USP19: variants seen among roughly 807,000 people sequenced by gnomAD.
USP19 encodes ubiquitin specific peptidase 19, also known as ubiquitin carboxyl-terminal hydrolase 19.
A neutral mutation model predicts 144.8 loss-of-function variants in USP19; 40 were observed. The ratio of observed to expected loss-of-function variants is 0.28; its 90% CI spans 0.21 to 0.36. The LOEUF (loss-of-function observed/expected upper bound fraction) is 0.36. USP19 is among the 10% of genes least tolerant of loss of function. USP19 has a pLI of 1.00. For synonymous variants in USP19, 701 were observed against 709.3 expected (o/e 0.99, Z 0.19); for missense variants, 1,518 against 1,822.5 (o/e 0.83, Z 3.04).
At position 49,114,681 on chromosome 3, in the gene USP19, A is replaced by T; in HGVS notation, c.2292+82T>A. ...CCAAACCTTGCCCTGTAGCACCTTA[A>T]GATGCACATGCCTCTGAACCTAATG... is the stretch of plus-strand genomic sequence containing the variant. On this transcript the variant is annotated intron_variant, in intron 15 of 26. Transcript: ENST00000417901. The surrounding 1 kb of genome is among the most constrained non-coding windows in gnomAD (Gnocchi z 4.5). The T allele has an allele frequency of 1.4e-6, 2 of 1,470,632 alleles. No homozygotes were observed. Among genetic ancestry groups the T allele is most frequent in the Non-Finnish European group, 1.9e-6 (2 of 1,060,000 alleles). 91.1% of individuals were successfully genotyped at this position (1,470,632 alleles called of 1,614,324 possible).
Position 49,114,975 on chromosome 3 carries a change from T to A in USP19, c.2165A>T (p.Asp722Val), listed in dbSNP as rs755543576. The change falls in exon 14 of 27, where the codon GAT becomes GTT. Residue 722 changes from aspartate (D) to valine (V), a missense_variant. Physicochemically the swap from Asp to Val is radical, Grantham distance 152. Coordinates refer to ENST00000417901, the MANE Select transcript of USP19 (RefSeq NM_001199161.2). This position sits in a 1 kb window ranked among gnomAD's most constrained non-coding sequence, Gnocchi z 4.5. ...NKPYTETVDS[D>V]GRPDEVVAEE... The stretch of plus-strand genomic sequence containing the variant: ...AACCCTGACCTCATCGGGCCGCCCA[T>A]CTGAATCCACGGTCTCTGTGTAGGG... 1 of 1,614,120 alleles carries A rather than the reference T, an allele frequency of 6.2e-7. No individual in the cohort carries two copies. Among genetic ancestry groups the A allele is most frequent in the South Asian group, 1.1e-5 (1 of 91,080 alleles).
intron 26 of USP19, among the ~76,000 whole-genome samples, chr3:49,109,595 A>C (rs534767737): frequency 1.3e-5 from 2 of 152,340 alleles, no homozygotes; most frequent in East Asian, 3.9e-4. Context: ...TCTAAGCTTG[A>C]CAGAGAAGGC....
chr3:49,111,583 C>T lies in USP19; in HGVS notation c.3134G>A (p.Ser1045Asn), dbSNP rs564084666. Residue 1045 changes from serine (S) to asparagine (N), a missense_variant, in exon 21 of 27, where the codon AGT becomes AAT. By Grantham distance (46) the Ser-to-Asn change is conservative (BLOSUM62 1). This residue lies in a region of USP19 where 413 missense variants were observed against 515.8 expected (regional missense o/e 0.80). Transcript: ENST00000417901. The surrounding 1 kb of genome is among the most constrained non-coding windows in gnomAD (Gnocchi z 5.9). ...GGCCAGCATCTCAGAAGAAATTCCA[C>T]TGGTGCTGGGCACAGGACCCCGGTC... The part of the protein sequence containing the change: ...APDRGPVPST[S>N]GISSEMLASG... The T allele has an allele frequency of 7.4e-6, 12 of 1,613,112 alleles. No individual in the cohort carries two copies. In the African/African-American group the frequency reaches 8.0e-5, roughly 11 times the overall value.
Position 49,115,887 on chromosome 3 carries a change from G to C in USP19, c.1529C>G (p.Thr510Ser), listed in dbSNP as rs771644616. 6.3e-7 allele frequency: 1 copy of C among 1,592,110 alleles called. No homozygotes were observed. The highest frequency in any genetic ancestry group is 1.8e-5 in the Admixed American group (1 of 56,096). ...VPTGPTPLDS[T>S]PPGGAPHPLT... ...GGGGTGGGGAGCACCTCCTGGTGGG[G>C]TTGAATCCAGAGGGGTTGGACCTGT... Residue 510 changes from threonine to serine, a missense_variant, in exon 11 of 27, where the codon ACC (threonine) becomes AGC (serine). Thr to Ser is a moderately conservative substitution (Grantham distance 58). This residue lies in a region of USP19 where 707 missense variants were observed against 728.9 expected (regional missense o/e 0.97). Coordinates refer to ENST00000417901, the MANE Select transcript of USP19 (RefSeq NM_001199161.2). The surrounding 1 kb of genome is among the most constrained non-coding windows in gnomAD (Gnocchi z 6.6).
Position 49,115,948 on chromosome 3 carries a change from A to T in USP19, c.1472-4T>A. 1 of 1,551,812 alleles carries T rather than the reference A, an allele frequency of 6.4e-7. No individual in the cohort carries two copies. Among genetic ancestry groups the T allele is most frequent in the Non-Finnish European group, 8.7e-7 (1 of 1,151,520 alleles). ...ACCTTTGCACCACCCACTGCACCTT[A>T]AAAAGGGGGAATGAGAGGGCTGGTG... On this transcript the variant is annotated splice_polypyrimidine_tract_variant and splice_region_variant and intron_variant, in intron 10 of 26. Coordinates refer to ENST00000417901, the MANE Select transcript of USP19 (RefSeq NM_001199161.2). This position sits in a 1 kb window ranked among gnomAD's most constrained non-coding sequence, Gnocchi z 6.6.
chr3:49,110,426 G>A lies in USP19; in HGVS notation c.3859+18C>T. ...CACCACCCCTACCACCTATCCTGCT[G>A]GCTGTGTGTGCCCTCACCCACGTCA... On this transcript the variant is annotated intron_variant, in intron 25 of 26. Coordinates refer to ENST00000417901, the MANE Select transcript of USP19 (RefSeq NM_001199161.2). This position sits in a 1 kb window ranked among gnomAD's most constrained non-coding sequence, Gnocchi z 6.1. 1 of 1,612,762 alleles carries A rather than the reference G, an allele frequency of 6.2e-7. No individual in the cohort carries two copies. Among genetic ancestry groups the A allele is most frequent in the South Asian group, 1.1e-5 (1 of 90,950 alleles).
chr3:49,117,258 C>T lies in USP19; in HGVS notation c.710G>A (p.Arg237Gln), dbSNP rs774650492. 3.2e-5 allele frequency: 50 copies of T among 1,562,630 alleles called. No individual in the cohort carries two copies. The highest frequency in any genetic ancestry group is 6.8e-5 in the African/African-American group (5 of 73,360). ...IALEPGPEPH[R>Q]AKQEARNQKR... is the part of the protein sequence containing the mutation. ...CTGGTTCCGGGCCTCCTGCTTAGCCCGGTGGGGCTCAGGGCCTGGCTCCAG... is the reference window on the plus strand; with the variant it reads ...CTGGTTCCGGGCCTCCTGCTTAGCCTGGTGGGGCTCAGGGCCTGGCTCCAG... The change falls in exon 6 of 27, where the codon CGG becomes CAG. Residue 237 changes from arginine (R) to glutamine (Q), a missense_variant. By Grantham distance (43) the Arg-to-Gln change is conservative (BLOSUM62 1). Transcript: ENST00000417901. The surrounding 1 kb of genome is among the most constrained non-coding windows in gnomAD (Gnocchi z 4.4).
At chr3:49,109,154 T>G in intron 26 of USP19, 1 of 1,506,536 alleles carries the variant, frequency 6.6e-7, no homozygotes, top group Non-Finnish European at 8.9e-7. Context: ...CGGCTCCTCC[T>G]CAGCCTCCAG....
intron 17 of USP19, among the ~76,000 whole-genome samples, chr3:49,113,187 G>A (rs1169623330): frequency 6.6e-6 from 1 of 152,250 alleles, no homozygotes; most frequent in Non-Finnish European, 1.5e-5. Flanking sequence ...GCTAGGAACT[G>A]AGGGCACTTC....
chr3:49,118,190 A>G, intron 2 of USP19, 70 bp from the exon 3 acceptor site: 2 of 620,298 alleles, frequency 3.2e-6, no homozygotes. Flanking sequence ...GCTTGAGCCC[A>G]GGACTTTGAG....
chr3:49,115,966 G>C lies in USP19; in HGVS notation c.1472-22C>G, dbSNP rs780668124. 3 of 1,556,728 alleles carry C rather than the reference G, an allele frequency of 1.9e-6. No homozygotes were observed. The Admixed American group carries it at 6.2e-5, about 32-fold the overall frequency. On this transcript the variant is annotated intron_variant, in intron 10 of 26. Coordinates refer to ENST00000417901, the MANE Select transcript of USP19 (RefSeq NM_001199161.2). This position sits in a 1 kb window ranked among gnomAD's most constrained non-coding sequence, Gnocchi z 6.6. Reference sequence around the variant, plus strand: ...GCACCTTAAAAAGGGGGAATGAGAGGGCTGGTGGTTAGCAGCATGTGACAG... The same window carrying C: ...GCACCTTAAAAAGGGGGAATGAGAGCGCTGGTGGTTAGCAGCATGTGACAG...
In USP19 at chr3:49,109,005, C is replaced by A. The variant is rs369013939; in HGVS notation, c.4039-477G>T. The A allele has an allele frequency of 1.3e-5, 21 of 1,613,434 alleles. No individual in the cohort carries two copies. In the South Asian group the frequency reaches 1.6e-4, roughly 13 times the overall value. Reference sequence around the variant, plus strand: ...ACCAGAGGATAGAACACGTTGAGCACGAGGGCCACCAAAGCCGCCACGGTG... The same window carrying A: ...ACCAGAGGATAGAACACGTTGAGCAAGAGGGCCACCAAAGCCGCCACGGTG... On this transcript the variant is annotated intron_variant, in intron 26 of 26. Transcript: ENST00000417901.
Position 49,110,019 on chromosome 3 carries a change from G to C in USP19, c.4038+165C>G. On this transcript the variant is annotated intron_variant, in intron 26 of 26. Transcript: ENST00000417901. The surrounding 1 kb of genome is among the most constrained non-coding windows in gnomAD (Gnocchi z 6.1). The stretch of plus-strand genomic sequence containing the variant: ...TGTTTGTTAGTGTCCCCAAGGCATG[G>C]GGATGCCTCTGGCTAAAGCTTTGAT... The C allele has an allele frequency of 2.6e-6, 2 of 756,692 alleles. No homozygotes were observed. The highest frequency in any genetic ancestry group is 3.8e-6 in the Non-Finnish European group (2 of 521,912). The allele number at this position is 756,692 out of a possible 1,614,324, so 46.9% of individuals were successfully genotyped here.
rs1022722116 is a variant in USP19, at chr3:49,116,703, C to T, written c.1126+24G>A. On this transcript the variant is annotated intron_variant, in intron 7 of 26. Transcript: ENST00000417901. The surrounding 1 kb of genome is among the most constrained non-coding windows in gnomAD (Gnocchi z 5.0). ...AAACTTTGCAACCCAACCTAGGGCT[C>T]TGCCTGCCCACCCCCACCTTTACCA... 1 of 1,607,346 alleles carries T rather than the reference C, an allele frequency of 6.2e-7. No individual in the cohort carries two copies. The highest frequency in any genetic ancestry group is 1.3e-5 in the African/African-American group (1 of 74,936).
intron 26 of USP19, chr3:49,109,223 T>C (rs113592495): frequency 2.9e-5 from 42 of 1,447,176 alleles, no homozygotes; most frequent in Admixed American, 5.8e-5. Flanking sequence ...ACCCCGGGGG[T>C]GGGGAGGACC....
intron 26 of USP19, chr3:49,109,275 G>C: frequency 7.1e-7 from 1 of 1,415,022 alleles, no homozygotes; most frequent in Middle Eastern, 2.2e-4. Context: ...CCCACCTGGG[G>C]TGACTGGGGC....
chr3:49,118,989 A>C (rs1413229367), intron 2 of USP19, 33 bp downstream of exon 2: 6 of 1,613,316 alleles, frequency 3.7e-6, no homozygotes, highest in African/African-American at 2.7e-5. Flanking sequence ...GAGGCAGAGA[A>C]GGCCACAATT....
rs191007588 is a variant in USP19, at chr3:49,117,505, G to C, written c.538C>G (p.Arg180Gly). The change falls in exon 5 of 27, where the codon CGC becomes GGC. Residue 180 changes from arginine to glycine, a missense_variant. Around this residue, in one of 5 missense-constraint regions of USP19, gnomAD observed 707 missense variants for 728.9 expected, o/e 0.97. Coordinates refer to ENST00000417901, the MANE Select transcript of USP19 (RefSeq NM_001199161.2). The surrounding 1 kb of genome is among the most constrained non-coding windows in gnomAD (Gnocchi z 4.4). ...GTCAGGTGCAGGAGACTGCCCTTGC[G>C]GGTTTGCACTTTAGCACAAGAGCTT... Reference protein sequence around the residue: ...IKSSCAKVQTRKGSLLHLTLP... With the variant: ...IKSSCAKVQTGKGSLLHLTLP... The C allele has an allele frequency of 1.2e-4, 193 of 1,614,114 alleles. No homozygotes were observed. The highest frequency in any genetic ancestry group is 1.5e-4 in the Non-Finnish European group (181 of 1,180,040).
chr3:49,114,663 T>A lies in USP19; in HGVS notation c.2292+100A>T. 7.6e-7 allele frequency: 1 copy of A among 1,316,638 alleles called. No individual in the cohort carries two copies. The highest frequency in any genetic ancestry group is 1.5e-5 in the African/African-American group (1 of 68,512). The allele number at this position is 1,316,638 out of a possible 1,614,324, so 81.6% of individuals were successfully genotyped here. A position where few individuals can be genotyped will look rare whatever the true frequency, so the allele number is the denominator to read the frequency against. ...CCCTGCCAGCTTCTTTGCCCAAACCTTGCCCTGTAGCACCTTAAGATGCAC... is the reference window on the plus strand; with the variant it reads ...CCCTGCCAGCTTCTTTGCCCAAACCATGCCCTGTAGCACCTTAAGATGCAC... On this transcript the variant is annotated intron_variant, in intron 15 of 26. Transcript: ENST00000417901. This position sits in a 1 kb window ranked among gnomAD's most constrained non-coding sequence, Gnocchi z 4.5.
Sources: allele counts gnomAD v4.1 joint callset (sites outside exome capture counted in the v4.1 genomes callset), GRCh38; gene constraint gnomAD v4.1.1; regional missense constraint gnomAD v4.1.1; non-coding constraint Gnocchi (gnomAD v3.1); transcripts MANE v1.5; gene names NCBI Gene and HGNC (gene_info 2026-07-23, HGNC 2026-07-21).